The following RBMS2 variants were observed in gnomAD, a reference collection of about 807,000 sequenced individuals.
RBMS2 encodes RNA-binding motif, single-stranded-interacting protein 2.
In RBMS2, 38 loss-of-function variants were observed where a neutral mutation model predicts 58.4. The ratio of observed to expected loss-of-function variants is 0.65; its 90% CI spans 0.50 to 0.85. The LOEUF is 0.85. Ranked by LOEUF, RBMS2 falls within the 40% of genes least tolerant of loss-of-function variation. The pLI is 0.00. For missense variants in RBMS2, 367 were observed against 503.7 expected (o/e 0.73, Z 2.60); for synonymous variants, 151 against 180.7 (o/e 0.84, Z 1.32).
chr12:56,538,413 A>AT (rs1164671657), intron 1 of RBMS2, among the ~76,000 whole-genome samples: 1 of 141,196 alleles, frequency 7.1e-6, no homozygotes, highest in African/African-American at 2.6e-5. Flanking sequence ...CATTTTTGGG[A>AT]TTTTGATATG....
rs534600679 is a variant in RBMS2 at position 56,589,973 on chromosome 12, C to T, written c.*840C>T. 1 of 152,390 alleles carries T rather than the reference C, an allele frequency of 6.6e-6. No individual in the cohort carries two copies. The highest frequency in any genetic ancestry group is 2.4e-5 in the African/African-American group (1 of 41,556). The allele number at this position is 152,390 out of a possible 1,614,324, so 9.4% of individuals were successfully genotyped here. On this transcript the variant is annotated 3_prime_UTR_variant, in exon 14 of 14. Coordinates refer to ENST00000262031, the MANE Select transcript of RBMS2 (RefSeq NM_002898.4). ...GGGAGAAAAAACTAGACTTTGGCTTCAGAAAGCACAGATGTGACCCAGGCT... is the reference window on the plus strand; with the variant it reads ...GGGAGAAAAAACTAGACTTTGGCTTTAGAAAGCACAGATGTGACCCAGGCT...
chr12:56,582,074 C>A lies in RBMS2; in HGVS notation c.795C>A (p.Pro265=), dbSNP rs1224391122. ...CTTCCCACAGGTTTTACCCAGCCCC[C>A]TATAACATCACCCCCAACAGGATGC... ...TALQNGFYPA[P]YNITPNRMLA... Residue 265 remains proline (P), a synonymous_variant, in exon 9 of 14, where the codon CCC becomes CCA. Coordinates refer to ENST00000262031, the MANE Select transcript of RBMS2 (RefSeq NM_002898.4). The A allele has an allele frequency of 6.2e-7, 1 of 1,611,754 alleles. No homozygotes were observed.
At chr12:56,534,412 T>G (rs1437658736) in intron 1 of RBMS2, among the ~76,000 whole-genome samples, 2 of 152,224 alleles carry the variant, frequency 1.3e-5, no homozygotes, top group African/African-American at 4.8e-5. Context: ...TATGCGAATA[T>G]TCCACTTTGG....
chr12:56,547,761 G>A (rs181403413), intron 1 of RBMS2, among the ~76,000 whole-genome samples: 3 of 150,520 alleles, frequency 2.0e-5, no homozygotes, highest in African/African-American at 7.3e-5. Flanking sequence ...CGATTCTCCT[G>A]CCTCAGCCTC....
chr12:56,550,027 GC>G (rs1565745040), intron 1 of RBMS2, among the ~76,000 whole-genome samples: 2 of 150,110 alleles, frequency 1.3e-5, no homozygotes, highest in African/African-American at 4.9e-5. Flanking sequence ...ACTCCGTCTC[GC>G]AAAAAAAAGA....
At chr12:56,540,045 G>T (rs1875781802) in intron 1 of RBMS2, among the ~76,000 whole-genome samples, 1 of 152,086 alleles carries the variant, frequency 6.6e-6, no homozygotes, top group African/African-American at 2.4e-5. Context: ...CTAGTCTAAT[G>T]AAAATAGGCC....
chr12:56,581,658 T>C (rs896045749), intron 7 of RBMS2, 150 bp downstream of exon 7: 6 of 1,126,214 alleles, frequency 5.3e-6, no homozygotes, highest in Non-Finnish European at 7.8e-6. Context: ...TGCCAGTTTG[T>C]TCTCGAGTGT....
rs1353741112 is a variant in RBMS2, at chr12:56,595,591, C to CAA, written c.*6461_*6462dup. 5 of 150,998 alleles carry CAA rather than the reference C, an allele frequency of 3.3e-5. No individual in the cohort carries two copies. The highest frequency in any genetic ancestry group is 5.9e-5 in the Non-Finnish European group (4 of 67,782). 9.4% of individuals were successfully genotyped at this position (150,998 alleles called of 1,614,324 possible). ...CACTTTTTTTTTTTTAAATAAAACA[C>CAA]AAAAGTCTACGTCTTGGTGTCTTAT... On this transcript the variant is annotated 3_prime_UTR_variant, in exon 14 of 14. Transcript: ENST00000262031.
chr12:56,536,027 C>A (rs933641373), intron 1 of RBMS2, among the ~76,000 whole-genome samples: 1 of 151,880 alleles, frequency 6.6e-6, no homozygotes, highest in Non-Finnish European at 1.5e-5. Context: ...ATGGCGAAAC[C>A]CTGTCTCTAT....
At chr12:56,533,698 G>A (rs1365799862) in intron 1 of RBMS2, among the ~76,000 whole-genome samples, 7 of 152,132 alleles carry the variant, frequency 4.6e-5, no homozygotes, top group African/African-American at 1.4e-4. Flanking sequence ...TTACAAGCAT[G>A]AGCCACTGCG....
At chr12:56,525,024 ATATTTT>A (rs1420499674) in intron 1 of RBMS2, among the ~76,000 whole-genome samples, 1 of 150,794 alleles carries the variant, frequency 6.6e-6, no homozygotes, top group Non-Finnish European at 1.5e-5. Flanking sequence ...GCCTGGCCCC[ATATTTT>A]TATTTTTATT....
intron 1 of RBMS2, among the ~76,000 whole-genome samples, chr12:56,555,071 T>TA (rs1322321064): frequency 6.8e-4 from 12 of 17,686 alleles, no homozygotes; most frequent in Non-Finnish European, 3.1e-3. Flanking sequence ...TATATACACT[T>TA]TAAAAAAAAA....
chr12:56,564,594 G>C (rs920219822), intron 2 of RBMS2, among the ~76,000 whole-genome samples: 1 of 152,098 alleles, frequency 6.6e-6, no homozygotes, highest in Non-Finnish European at 1.5e-5. Flanking sequence ...AAACTTATGC[G>C]CTCAATCATT....
chr12:56,542,530 C>CTTTTTTTTTTTCTTGTTTTTTTTTTTT (rs1876307277), intron 1 of RBMS2, among the ~76,000 whole-genome samples: 2 of 124,300 alleles, frequency 1.6e-5, no homozygotes, highest in Non-Finnish European at 1.6e-5. Flanking sequence ...CCTGTGTTTC[C>CTTTTTTTTTTTCTTGTTTTTTTTTTTT]TTTTTTTTTT....
At chr12:56,526,501 G>A (rs1011462612) in intron 1 of RBMS2, among the ~76,000 whole-genome samples, 14 of 151,648 alleles carry the variant, frequency 9.2e-5, no homozygotes, top group Non-Finnish European at 1.8e-4. Context: ...TAATAAAGGC[G>A]GACTTTTTTC....
chr12:56,521,445 AT>A (rs199997381), upstream of RBMS2, among the ~76,000 whole-genome samples: 25 of 148,526 alleles, frequency 1.7e-4, no homozygotes, highest in African/African-American at 6.0e-4. Context: ...AAAAAAAAAA[AT>A]CACTGTAAGT....
chr12:56,586,808 A>C, intron 9 of RBMS2, 41 bp from the exon 10 acceptor site: 1 of 1,518,976 alleles, frequency 6.6e-7, no homozygotes, highest in Non-Finnish European at 9.1e-7. Flanking sequence ...GCTGAATAAT[A>C]GTTTCCAGGC....
chr12:56,561,673 ATT>A (rs113897566), intron 1 of RBMS2, among the ~76,000 whole-genome samples: 109 of 129,726 alleles, frequency 8.4e-4, no homozygotes, highest in African/African-American at 1.6e-3. Flanking sequence ...CACCTGGCTA[ATT>A]TTTTTTTTTT....
intron 12 of RBMS2, chr12:56,588,589 GA>G (rs2136611550): frequency 1.7e-6 from 1 of 585,050 alleles, no homozygotes; most frequent in East Asian, 2.8e-5. Context: ...GTGCAAGGAT[GA>G]CATGCAAATT....
Sources: gnomAD v4.1 joint callset for allele counts (sites outside exome capture counted in the v4.1 genomes callset) on GRCh38, gnomAD v4.1.1 for gene constraint, MANE v1.5 for transcripts, NCBI Gene and HGNC (gene_info 2026-07-23, HGNC 2026-07-21) for gene names.